The following BRD7 variants were observed in gnomAD, a reference collection of about 807,000 sequenced individuals.
BRD7 encodes bromodomain containing 7, also known as bromodomain-containing protein 7.
A neutral mutation model predicts 82.1 loss-of-function variants in BRD7; 15 were observed. That is an observed-to-expected ratio of 0.18 (90% CI 0.12 to 0.28). The LOEUF is 0.28. BRD7 is among the 10% of genes least tolerant of loss of function. The pLI, the probability that BRD7 is intolerant of heterozygous loss-of-function variation, is 1.00. For missense variants in BRD7, 638 were observed against 779.9 expected (o/e 0.82, Z 2.17); for synonymous variants, 232 against 266.9 (o/e 0.87, Z 1.27).
At chr16:50,364,942 C>T (rs1329143548) in intron 2 of BRD7, among the ~76,000 whole-genome samples, 1 of 152,156 alleles carries the variant, frequency 6.6e-6, no homozygotes, top group Non-Finnish European at 1.5e-5. Flanking sequence ...TTAAACAAGA[C>T]GATGGCCGGA....
intron 2 of BRD7, among the ~76,000 whole-genome samples, chr16:50,359,593 T>C (rs779586241): frequency 1.3e-5 from 2 of 152,130 alleles, no homozygotes; most frequent in South Asian, 2.1e-4. Flanking sequence ...CAAACAGGTT[T>C]ATAACAGCAG....
At chr16:50,368,319 G>A (rs1199444330) in intron 1 of BRD7, 21 bp from the exon 2 acceptor site, 2 of 1,608,734 alleles carry the variant, frequency 1.2e-6, no homozygotes, top group South Asian at 2.2e-5. Context: ...GAAAAGAAAA[G>A]AAAGGAAAGC....
At chr16:50,333,189 G>A (rs2037643550) in intron 8 of BRD7, among the ~76,000 whole-genome samples, 1 of 152,116 alleles carries the variant, frequency 6.6e-6, no homozygotes, top group Non-Finnish European at 1.5e-5. Flanking sequence ...GAATACAAAT[G>A]TTTTCCTGTA....
intron 4 of BRD7, among the ~76,000 whole-genome samples, chr16:50,351,878 A>G (rs78533227): frequency 0.24 from 36,068 of 152,068 alleles, 4,939 homozygotes; most frequent in African/African-American, 0.36. Context: ...AATCAAATCA[A>G]GGTAATTAGC....
At chr16:50,353,006 A>G (rs752145694) in intron 4 of BRD7, among the ~76,000 whole-genome samples, 1 of 152,010 alleles carries the variant, frequency 6.6e-6, no homozygotes, top group Non-Finnish European at 1.5e-5. Context: ...TGAACAAGTT[A>G]TTTAAATATA....
chr16:50,319,303 T>TTTACC (rs2036962594), intron 16 of BRD7, 37 bp from the exon 17 acceptor site: 1 of 1,594,576 alleles, frequency 6.3e-7, no homozygotes, highest in Non-Finnish European at 8.6e-7. Flanking sequence ...CAACATTGTT[T>TTTACC]TTACCTTTTA....
At chr16:50,336,859 T>C (rs1186736538) in intron 6 of BRD7, among the ~76,000 whole-genome samples, 1 of 152,220 alleles carries the variant, frequency 6.6e-6, no homozygotes, top group East Asian at 1.9e-4. Flanking sequence ...TTGAAAGCAA[T>C]GTCTTTTTCT....
Position 50,353,504 on chromosome 16 carries a change from C to A in BRD7, c.446+921G>T, listed in dbSNP as rs572276869. Among the ~76,000 whole-genome samples the A allele has an allele frequency of 7.9e-5, 12 of 152,186 alleles. No individual in the cohort carries two copies. The South Asian group carries it at 2.1e-3, about 26-fold the overall frequency. On this transcript the variant is annotated intron_variant, in intron 4 of 16. Transcript: ENST00000394688. Reference sequence around the variant, plus strand: ...CACTGTAAAAATGTATGATCTACAACCATAAACCCTTTGCAAATAATGGAA... The same window carrying A: ...CACTGTAAAAATGTATGATCTACAAACATAAACCCTTTGCAAATAATGGAA...
At chr16:50,346,997 T>C (rs2038311293) in intron 5 of BRD7, among the ~76,000 whole-genome samples, 1 of 152,214 alleles carries the variant, frequency 6.6e-6, no homozygotes, top group Non-Finnish European at 1.5e-5. Context: ...TGAACATCGA[T>C]GCAAAAATCC....
At chr16:50,333,959 A>AG (rs2037682618) in intron 7 of BRD7, among the ~76,000 whole-genome samples, 2 of 152,266 alleles carry the variant, frequency 1.3e-5, no homozygotes, top group Non-Finnish European at 2.9e-5. Flanking sequence ...TTACAAAAAA[A>AG]TTAGTTCTAC....
At chr16:50,368,410 G>A (rs2039235724) in intron 1 of BRD7, 112 bp from the exon 2 acceptor site, 1 of 1,188,238 alleles carries the variant, frequency 8.4e-7, no homozygotes. Context: ...GCGGCTTTGG[G>A]CGCTCCGCGA....
chr16:50,350,556 C>T (rs554161109), intron 4 of BRD7, among the ~76,000 whole-genome samples: 1 of 152,362 alleles, frequency 6.6e-6, no homozygotes, highest in African/African-American at 2.4e-5. Context: ...TATGAACATA[C>T]ATCTACAATC....
At chr16:50,368,595 G>A in intron 1 of BRD7, 131 bp downstream of exon 1, 1 of 978,596 alleles carries the variant, frequency 1.0e-6, no homozygotes, top group Non-Finnish European at 1.4e-6. Context: ...CCGGCAGGAC[G>A]CGCCCCCTTC....
chr16:50,320,498 A>G, intron 14 of BRD7, 107 bp from the exon 15 acceptor site: 18 of 1,509,702 alleles, frequency 1.2e-5, no homozygotes, highest in Non-Finnish European at 1.6e-5. Flanking sequence ...CCTTCAAAAG[A>G]GTAATCCGCT....
intron 4 of BRD7, among the ~76,000 whole-genome samples, chr16:50,351,000 A>G (rs1404649832): frequency 2.0e-5 from 3 of 152,158 alleles, no homozygotes; most frequent in African/African-American, 7.2e-5. Context: ...TCAGGTTGAG[A>G]ATGAGTGCTT....
At chr16:50,343,548 T>C (rs2038159330) in intron 5 of BRD7, among the ~76,000 whole-genome samples, 1 of 152,180 alleles carries the variant, frequency 6.6e-6, no homozygotes, top group East Asian at 1.9e-4. Flanking sequence ...GGAATTCCCT[T>C]TCCTAGCCAA....
rs1490659815 is a variant in BRD7, at chr16:50,318,736, T to G, written c.*475A>C. On this transcript the variant is annotated 3_prime_UTR_variant, in exon 17 of 17. Transcript: ENST00000394688. ...AAAAACCAAAAAAGAACACTAGCCA[T>G]GTGACAGTGCTATAAAACTCCCAGT... 1.3e-5 allele frequency: 2 copies of G among 153,538 alleles called. No individual in the cohort carries two copies. The highest frequency in any genetic ancestry group is 1.3e-4 in the Admixed American group (2 of 15,340). The allele number at this position is 153,538 out of a possible 1,614,324, so 9.5% of individuals were successfully genotyped here. A position where few individuals can be genotyped will look rare whatever the true frequency, so the allele number is the denominator to read the frequency against.
At position 50,319,110 on chromosome 16, in the gene BRD7, T is replaced by C; in HGVS notation, c.*101A>G. The C allele has an allele frequency of 8.3e-7, 1 of 1,211,630 alleles. No individual in the cohort carries two copies. Among genetic ancestry groups the C allele is most frequent in the Non-Finnish European group, 1.2e-6 (1 of 861,560 alleles). The allele number at this position is 1,211,630 out of a possible 1,614,324, so 75.1% of individuals were successfully genotyped here. A position where few individuals can be genotyped will look rare whatever the true frequency, so the allele number is the denominator to read the frequency against. ...CCAAATTCGCTGTTCCAAAGTTTAATTAAAAACACAATTTACAAATATTTA... is the reference window on the plus strand; with the variant it reads ...CCAAATTCGCTGTTCCAAAGTTTAACTAAAAACACAATTTACAAATATTTA... On this transcript the variant is annotated 3_prime_UTR_variant, in exon 17 of 17. Transcript: ENST00000394688.
intron 2 of BRD7, among the ~76,000 whole-genome samples, chr16:50,357,504 C>G (rs1356239444): frequency 1.3e-5 from 2 of 152,282 alleles, no homozygotes; most frequent in African/African-American, 2.4e-5. Flanking sequence ...TCTTGGTAGG[C>G]TGGCAAGTTT....
Sources: gnomAD v4.1 joint callset for allele counts (sites outside exome capture counted in the v4.1 genomes callset) on GRCh38, gnomAD v4.1.1 for gene constraint, MANE v1.5 for transcripts, NCBI Gene and HGNC (gene_info 2026-07-23, HGNC 2026-07-21) for gene names.